OSBP: variants seen among roughly 807,000 people sequenced by gnomAD.
The protein encoded by OSBP is oxysterol-binding protein 1.
OSBP carries 32 observed loss-of-function variants against 96.6 expected under a neutral mutation model. The ratio of observed to expected loss-of-function variants is 0.33; its 90% CI spans 0.25 to 0.45. The LOEUF (loss-of-function observed/expected upper bound fraction) is 0.45, where lower values mean the gene tolerates loss of function less well. OSBP is among the 20% of genes least tolerant of loss of function. The pLI, the probability that OSBP is intolerant of heterozygous loss-of-function variation, is 1.00. For missense variants in OSBP, 653 were observed against 1,029.7 expected (o/e 0.63, Z 5.01); for synonymous variants, 369 against 389.6 (o/e 0.95, Z 0.62).
intron 11 of OSBP, among the ~76,000 whole-genome samples, chr11:59,579,836 C>A (rs966033180): frequency 1.3e-5 from 2 of 151,894 alleles, no homozygotes; most frequent in Non-Finnish European, 2.9e-5. Flanking sequence ...CTGCCTCACC[C>A]GAGTAGCTGG....
At position 59,608,514 on chromosome 11, in the gene OSBP, G is replaced by T. The variant is rs777018739; in HGVS notation, c.792C>A (p.Leu264=). 3 of 1,614,168 alleles carry T rather than the reference G, an allele frequency of 1.9e-6. No individual in the cohort carries two copies. The highest frequency in any genetic ancestry group is 1.7e-6 in the Non-Finnish European group (2 of 1,180,004). The change falls in exon 3 of 14, where the codon CTC becomes CTA. Residue 264 remains leucine (L), a synonymous_variant. Coordinates refer to ENST00000263847, the MANE Select transcript of OSBP (RefSeq NM_002556.3). The part of the protein sequence containing the change: ...KIKQVNERAT[L]FRITSNAMIN... Reference sequence around the variant, plus strand: ...TCATGGCATTGGATGTTATCCTAAAGAGTGTGGCTCGTTCGTTGACCTGTT... The same window carrying T: ...TCATGGCATTGGATGTTATCCTAAATAGTGTGGCTCGTTCGTTGACCTGTT...
chr11:59,594,364 C>A, intron 7 of OSBP, 109 bp from the exon 8 acceptor site: 1 of 1,046,986 alleles, frequency 9.6e-7, no homozygotes, highest in South Asian at 1.5e-5. Context: ...GGGCTTTGCT[C>A]AGTAGAGCGG....
chr11:59,606,892 G>A (rs1860786554), intron 3 of OSBP, among the ~76,000 whole-genome samples: 1 of 152,170 alleles, frequency 6.6e-6, no homozygotes, highest in South Asian at 2.1e-4. Flanking sequence ...AAAGGGCACA[G>A]GCAGTGCAGC....
chr11:59,601,180 T>C (rs1860720211), intron 5 of OSBP, 103 bp downstream of exon 5: 10 of 686,850 alleles, frequency 1.5e-5, no homozygotes, highest in Non-Finnish European at 2.0e-5. Context: ...ATACTCTCAC[T>C]GAAATGTTTT....
chr11:59,601,005 T>C (rs1200954622), intron 5 of OSBP, 132 bp from the exon 6 acceptor site: 2 of 753,766 alleles, frequency 2.7e-6, no homozygotes, highest in African/African-American at 3.5e-5. Context: ...ATGACGACAT[T>C]TAGAGTAGGA....
At chr11:59,589,804 G>A (rs1860555036) in intron 9 of OSBP, among the ~76,000 whole-genome samples, 1 of 151,404 alleles carries the variant, frequency 6.6e-6, no homozygotes, top group Non-Finnish European at 1.5e-5. Context: ...TCGACATGGT[G>A]AAACCCTGTC....
Position 59,615,585 on chromosome 11 carries a change from G to T in OSBP, c.80C>A (p.Pro27His). The change falls in exon 1 of 14, where the codon CCC becomes CAC. Residue 27 changes from proline to histidine, a missense_variant. By Grantham distance (77) the Pro-to-His change is moderately conservative. Around this residue, in one of 6 missense-constraint regions of OSBP, gnomAD observed 151 missense variants for 146.1 expected, o/e 1.03. Coordinates refer to ENST00000263847, the MANE Select transcript of OSBP (RefSeq NM_002556.3). ...GCCGCCGCCTCCTCCCACCACTGGG[G>T]GACCGGCGCCGCCGCCGCCAAGTGC... Reference protein sequence around the residue: ...IAALGGGGAGPPVVGGGGGRG... With the variant: ...IAALGGGGAGHPVVGGGGGRG... The T allele has an allele frequency of 7.3e-7, 1 of 1,374,668 alleles. No individual in the cohort carries two copies. Among genetic ancestry groups the T allele is most frequent in the South Asian group, 1.6e-5 (1 of 61,638 alleles). The allele number at this position is 1,374,668 out of a possible 1,614,324, so 85.2% of individuals were successfully genotyped here. A position where few individuals can be genotyped will look rare whatever the true frequency, so the allele number is the denominator to read the frequency against.
intron 11 of OSBP, 95 bp from the exon 12 acceptor site, chr11:59,578,425 G>A (rs495564): frequency 0.086 from 104,284 of 1,216,308 alleles, 9,156 homozygotes; most frequent in African/African-American, 0.42. Context: ...TAATGGTTAG[G>A]TCCTGTTATA....
At chr11:59,585,459 G>A (rs1229307516) in intron 9 of OSBP, among the ~76,000 whole-genome samples, 2 of 151,910 alleles carry the variant, frequency 1.3e-5, no homozygotes, top group East Asian at 3.9e-4. Context: ...TCTGAGAAGT[G>A]AGGAGCCCCT....
At chr11:59,587,829 C>T (rs1860519974) in intron 9 of OSBP, among the ~76,000 whole-genome samples, 1 of 152,116 alleles carries the variant, frequency 6.6e-6, no homozygotes, top group Non-Finnish European at 1.5e-5. Context: ...GTATATACTG[C>T]AAAGAACTGA....
intron 3 of OSBP, among the ~76,000 whole-genome samples, chr11:59,602,744 G>A (rs1014900478): frequency 1.8e-4 from 27 of 152,132 alleles, no homozygotes; most frequent in African/African-American, 5.1e-4. Flanking sequence ...CCTTAGCCCC[G>A]CTGAGCAGTT....
At chr11:59,598,679 T>G (rs371446956) in intron 7 of OSBP, among the ~76,000 whole-genome samples, 64 of 152,310 alleles carry the variant, frequency 4.2e-4, no homozygotes, top group South Asian at 2.9e-3. Flanking sequence ...AACCTCTGCC[T>G]CCTGGGTTCA....
At chr11:59,591,933 A>C (rs550491134) in intron 9 of OSBP, among the ~76,000 whole-genome samples, 1 of 152,168 alleles carries the variant, frequency 6.6e-6, no homozygotes, top group South Asian at 2.1e-4. Context: ...CAGTACTCTC[A>C]GTCCAAGGTT....
chr11:59,584,945 G>A (rs1367484383), intron 9 of OSBP, among the ~76,000 whole-genome samples: 1 of 152,182 alleles, frequency 6.6e-6, no homozygotes, highest in Non-Finnish European at 1.5e-5. Flanking sequence ...AGGCTCAATG[G>A]TGCCCAGGCT....
intron 2 of OSBP, among the ~76,000 whole-genome samples, chr11:59,609,714 T>C (rs890601185): frequency 1.3e-5 from 2 of 152,152 alleles, no homozygotes; most frequent in Admixed American, 1.3e-4. Context: ...ACTATCAATA[T>C]ATCAGGAGAA....
At chr11:59,587,653 T>C (rs1860517264) in intron 9 of OSBP, among the ~76,000 whole-genome samples, 1 of 152,192 alleles carries the variant, frequency 6.6e-6, no homozygotes, top group African/African-American at 2.4e-5. Flanking sequence ...TCACATCCAT[T>C]AGGATAGCTA....
intron 3 of OSBP, among the ~76,000 whole-genome samples, 180 bp downstream of exon 3, chr11:59,608,304 A>G (rs952716408): frequency 6.6e-6 from 1 of 152,212 alleles, no homozygotes; most frequent in Non-Finnish European, 1.5e-5. Flanking sequence ...CATGAAAGTC[A>G]TTCAATCTGT....
chr11:59,607,743 A>G (rs930529282), intron 3 of OSBP, among the ~76,000 whole-genome samples: 19 of 152,306 alleles, frequency 1.2e-4, no homozygotes, highest in African/African-American at 4.3e-4. Context: ...GTATCAATAC[A>G]TCGGTAATGC....
intron 9 of OSBP, among the ~76,000 whole-genome samples, chr11:59,586,037 C>T (rs941900873): frequency 2.0e-5 from 3 of 152,006 alleles, no homozygotes; most frequent in East Asian, 1.9e-4. Context: ...TGTGGAAGGC[C>T]GCGGGGTCCT....
Sources: allele counts gnomAD v4.1 joint callset (sites outside exome capture counted in the v4.1 genomes callset), GRCh38; gene constraint gnomAD v4.1.1; regional missense constraint gnomAD v4.1.1; transcripts MANE v1.5; gene names NCBI Gene and HGNC (gene_info 2026-07-23, HGNC 2026-07-21).